Variants in ZMAT4 observed in about 807,000 individuals in gnomAD.
ZMAT4 encodes zinc finger matrin-type 4.
Under a neutral mutation model 28.7 loss-of-function variants are expected in ZMAT4, and 17 were observed. The observed-to-expected ratio is 0.59, with a 90% CI of 0.41 to 0.89. The LOEUF is 0.89. Among genes scored for constraint, ZMAT4 ranks in the 40% least tolerant of loss-of-function variants. The pLI is 0.00. For missense variants in ZMAT4, 240 were observed against 283.8 expected, an observed-to-expected ratio of 0.85 and a Z score of 1.11; for synonymous variants, 117 against 109.2, an observed-to-expected ratio of 1.07 and a Z score of -0.44.
intron 5 of ZMAT4, among the ~76,000 whole-genome samples, chr8:40,671,894 G>A (rs890531841): frequency 1.3e-5 from 2 of 152,146 alleles, no homozygotes; most frequent in South Asian, 4.1e-4. Flanking sequence ...GAAAATGATT[G>A]CCATGTTAAG....
chr8:40,881,621 GAA>G (rs1179512220), intron 1 of ZMAT4, among the ~76,000 whole-genome samples: 1 of 150,774 alleles, frequency 6.6e-6, no homozygotes, highest in Non-Finnish European at 1.5e-5. Flanking sequence ...AAGAGAGAGA[GAA>G]AGAAAGAATA....
intron 5 of ZMAT4, among the ~76,000 whole-genome samples, chr8:40,614,122 T>C (rs1405623161): frequency 6.6e-6 from 1 of 152,190 alleles, no homozygotes; most frequent in Non-Finnish European, 1.5e-5. Flanking sequence ...CTTTGCGTCT[T>C]TCTTTGAACC....
chr8:40,684,168 C>T (rs1051889928), intron 4 of ZMAT4, among the ~76,000 whole-genome samples: 3 of 151,988 alleles, frequency 2.0e-5, no homozygotes, highest in Non-Finnish European at 2.9e-5. Flanking sequence ...GCATTTCTTT[C>T]GTCCTAAGGG....
chr8:40,605,227 G>T (rs1378998338), intron 5 of ZMAT4, among the ~76,000 whole-genome samples: 3 of 152,022 alleles, frequency 2.0e-5, no homozygotes, highest in Non-Finnish European at 4.4e-5. Context: ...CTGGGTTTGG[G>T]TCTGGTTTGT....
Position 40,779,870 on chromosome 8 carries a change from G to A in ZMAT4, c.103-12140C>T, listed in dbSNP as rs192612558. Among the ~76,000 whole-genome samples, 214 of 152,250 alleles carry A rather than the reference G, an allele frequency of 1.4e-3. 2 individuals carry two copies. Among genetic ancestry groups the A allele is most frequent in the Non-Finnish European group, 2.5e-4 (17 of 68,026 alleles). ...TGAGAGGCAAAATCAGGGAGAAATA[G>A]TCTCAAGGCCAACCCGCCGGCAACC... On this transcript the variant is annotated intron_variant, in intron 2 of 6. Transcript: ENST00000297737.
intron 2 of ZMAT4, chr8:40,786,687 AC>A (rs751702750): frequency 1.7e-5 from 22 of 1,288,132 alleles, no homozygotes; most frequent in Non-Finnish European, 2.2e-5. Flanking sequence ...CTCCCAACTT[AC>A]GGGTCAGAAT....
chr8:40,564,544 T>C (rs1471682212), intron 6 of ZMAT4, among the ~76,000 whole-genome samples: 1 of 152,188 alleles, frequency 6.6e-6, no homozygotes, highest in Non-Finnish European at 1.5e-5. Flanking sequence ...AGTTTTCCTC[T>C]GTGGAAAAAA....
intron 5 of ZMAT4, among the ~76,000 whole-genome samples, chr8:40,591,938 A>C (rs2118583063): frequency 6.6e-6 from 1 of 151,702 alleles, no homozygotes; most frequent in East Asian, 2.0e-4. Flanking sequence ...TTCCTATTTC[A>C]AAATTAATTA....
chr8:40,853,417 G>C (rs1817184741), intron 1 of ZMAT4, among the ~76,000 whole-genome samples: 1 of 152,130 alleles, frequency 6.6e-6, no homozygotes, highest in Non-Finnish European at 1.5e-5. Flanking sequence ...TTAGCTGGGT[G>C]TGGTGGCAGG....
At chr8:40,892,381 G>GC (rs34134845) in intron 1 of ZMAT4, among the ~76,000 whole-genome samples, 9,510 of 152,132 alleles carry the variant, frequency 0.063, 330 homozygotes, top group Non-Finnish European at 0.069. Flanking sequence ...ACACTCAGGA[G>GC]CCCCCCCAGG....
chr8:40,751,747 G>A (rs1195601868), intron 3 of ZMAT4, among the ~76,000 whole-genome samples: 1 of 152,090 alleles, frequency 6.6e-6, no homozygotes, highest in Non-Finnish European at 1.5e-5. Flanking sequence ...GACTTCGATA[G>A]GTGTATAATG....
At chr8:40,673,181 T>G (rs996996350) in intron 5 of ZMAT4, among the ~76,000 whole-genome samples, 2 of 152,214 alleles carry the variant, frequency 1.3e-5, no homozygotes, top group Non-Finnish European at 2.9e-5. Flanking sequence ...TCTGCTCACA[T>G]GGAATGCCTT....
At chr8:40,818,516 G>T (rs1815631723) in intron 2 of ZMAT4, among the ~76,000 whole-genome samples, 1 of 152,220 alleles carries the variant, frequency 6.6e-6, no homozygotes, top group African/African-American at 2.4e-5. Context: ...AACATCATCT[G>T]GGAGAAATTA....
intron 5 of ZMAT4, among the ~76,000 whole-genome samples, chr8:40,599,512 T>C (rs1461944199): frequency 4.6e-5 from 7 of 152,210 alleles, no homozygotes; most frequent in African/African-American, 1.7e-4. Flanking sequence ...AGGGTTTTTT[T>C]AGTATTTAAG....
At chr8:40,629,563 C>G (rs374555735) in intron 5 of ZMAT4, among the ~76,000 whole-genome samples, 2 of 134,648 alleles carry the variant, frequency 1.5e-5, no homozygotes, top group East Asian at 5.0e-4. Context: ...CCCCTCCCCC[C>G]ACCCCACAAC....
intron 5 of ZMAT4, among the ~76,000 whole-genome samples, chr8:40,645,611 C>G (rs1807266322): frequency 6.6e-6 from 1 of 152,032 alleles, no homozygotes; most frequent in African/African-American, 2.4e-5. Flanking sequence ...AACTGGAGCA[C>G]CTTAGGATGA....
intron 5 of ZMAT4, among the ~76,000 whole-genome samples, chr8:40,633,919 C>T (rs1047466716): frequency 1.3e-5 from 2 of 152,126 alleles, no homozygotes; most frequent in Non-Finnish European, 2.9e-5. Flanking sequence ...GTTACCTCAG[C>T]GACAACTCCA....
chr8:40,710,763 G>A (rs2150507435), intron 3 of ZMAT4, among the ~76,000 whole-genome samples: 1 of 151,558 alleles, frequency 6.6e-6, no homozygotes, highest in East Asian at 2.0e-4. Flanking sequence ...TGAGACAATT[G>A]GATCTTTAAA....
intron 5 of ZMAT4, among the ~76,000 whole-genome samples, chr8:40,637,055 G>C (rs1419984891): frequency 6.7e-6 from 1 of 149,958 alleles, no homozygotes; most frequent in African/African-American, 2.5e-5. Context: ...GAAGATGAGA[G>C]TCTGAGTCCT....
Sources: allele counts gnomAD v4.1 joint callset (sites outside exome capture counted in the v4.1 genomes callset), GRCh38; gene constraint gnomAD v4.1.1; transcripts MANE v1.5; gene names NCBI Gene and HGNC (gene_info 2026-07-23, HGNC 2026-07-21).